Variants in TAFA1 observed in about 807,000 individuals in gnomAD.
The protein encoded by TAFA1 is TAFA chemokine like family member 1.
A neutral mutation model predicts 18.5 loss-of-function variants in TAFA1; 4 were observed. That is an observed-to-expected ratio of 0.22 (90% CI 0.11 to 0.49). TAFA1 has a LOEUF of 0.49. Among genes scored for constraint, TAFA1 ranks in the 20% least tolerant of loss-of-function variants. TAFA1 has a pLI of 0.98. For missense variants in TAFA1, 147 were observed against 169.0 expected (o/e 0.87, Z 0.72); for synonymous variants, 56 against 55.2 (o/e 1.01, Z -0.06).
intron 2 of TAFA1, among the ~76,000 whole-genome samples, chr3:68,378,209 A>C (rs1389403072): frequency 6.6e-6 from 1 of 152,212 alleles, no homozygotes; most frequent in Non-Finnish European, 1.5e-5. Context: ...TGCCTTGAAA[A>C]GCTGCAGGCA....
chr3:68,141,497 T>A (rs1052718993), intron 2 of TAFA1, among the ~76,000 whole-genome samples: 1 of 152,228 alleles, frequency 6.6e-6, no homozygotes, highest in Non-Finnish European at 1.5e-5. Flanking sequence ...TCTCTCCTTT[T>A]ATTGATAACT....
At chr3:68,421,536 C>T (rs59823273) in intron 3 of TAFA1, among the ~76,000 whole-genome samples, 22,668 of 151,998 alleles carry the variant, frequency 0.15, 2,140 homozygotes, top group East Asian at 0.33. Context: ...CGCAGCTGTA[C>T]CTATTACTGA....
In TAFA1 at chr3:68,428,365, A is replaced by G. The variant is rs558235274; in HGVS notation, c.259+10945A>G. On this transcript the variant is annotated intron_variant, in intron 3 of 4. Transcript: ENST00000478136. ...TCCAGCCATTTTATTAGCTGCCTTC[A>G]AGTGAAGACCATCCATTAACAGCAG... Among the ~76,000 whole-genome samples, 10 of 151,976 alleles carry G rather than the reference A, an allele frequency of 6.6e-5. No homozygotes were observed. In the South Asian group the frequency reaches 2.1e-3, roughly 32 times the overall value.
In TAFA1 at chr3:68,370,472, GTATATATATATATA is replaced by G. The variant is rs749877780; in HGVS notation, c.119-46777_119-46764del. Among the ~76,000 whole-genome samples, 91 of 33,018 alleles carry G rather than the reference GTATATATATATATA, an allele frequency of 2.8e-3. 1 individual carries two copies. The highest frequency in any genetic ancestry group is 0.011 in the African/African-American group (84 of 7,544). 21.7% of individuals were successfully genotyped at this position (33,018 alleles called of 152,430 possible). A position where few individuals can be genotyped will look rare whatever the true frequency, so the allele number is the denominator to read the frequency against. On this transcript the variant is annotated intron_variant, in intron 2 of 4. Transcript: ENST00000478136. ...TATATATATGTGTGTGTGTGTGTGT[GTATATATATATATA>G]TATATATATATATATATATATATAT...
intron 2 of TAFA1, among the ~76,000 whole-genome samples, chr3:68,110,738 A>C (rs1010221582): frequency 6.6e-6 from 1 of 152,186 alleles, no homozygotes; most frequent in African/African-American, 2.4e-5. Flanking sequence ...ATGTGAAAGA[A>C]AGAGATAAAC....
chr3:67,998,039 T>C, the TAFA1 span, among the ~76,000 whole-genome samples: 3 of 151,730 alleles, frequency 2.0e-5, no homozygotes, highest in East Asian at 1.9e-4. Flanking sequence ...AAAAAACATA[T>C]ATTAAACAAA....
chr3:68,229,361 A>C (rs2066842583), intron 2 of TAFA1, among the ~76,000 whole-genome samples: 1 of 152,204 alleles, frequency 6.6e-6, no homozygotes, highest in African/African-American at 2.4e-5. Flanking sequence ...AATTCTTGCT[A>C]AGATATCTTA....
At chr3:68,076,916 T>C (rs532786290) in intron 2 of TAFA1, among the ~76,000 whole-genome samples, 2 of 152,176 alleles carry the variant, frequency 1.3e-5, no homozygotes, top group Non-Finnish European at 2.9e-5. Flanking sequence ...TAGTTTACAA[T>C]CCCACCAACA....
intron 2 of TAFA1, among the ~76,000 whole-genome samples, chr3:68,400,215 T>G (rs532562492): frequency 2.0e-4 from 31 of 152,234 alleles, no homozygotes; most frequent in African/African-American, 6.7e-4. Flanking sequence ...GGAAACCAGG[T>G]GTGCTGTTAC....
At chr3:68,434,476 A>G (rs765618423) in intron 3 of TAFA1, among the ~76,000 whole-genome samples, 4 of 152,090 alleles carry the variant, frequency 2.6e-5, no homozygotes, top group Non-Finnish European at 5.9e-5. Context: ...TCTGTTTTAC[A>G]GTACATTGAA....
intron 3 of TAFA1, among the ~76,000 whole-genome samples, chr3:68,452,780 T>C (rs2071587957): frequency 1.3e-5 from 2 of 152,210 alleles, no homozygotes; most frequent in African/African-American, 4.8e-5. Context: ...AACATGCCCA[T>C]TTAACATATT....
At chr3:68,003,193 C>T (rs929140724), upstream of TAFA1, among the ~76,000 whole-genome samples, 1 of 152,090 alleles carries the variant, frequency 6.6e-6, no homozygotes, top group African/African-American at 2.4e-5. Context: ...TGTGAAAGAC[C>T]AATTGGCAAG....
intron 3 of TAFA1, among the ~76,000 whole-genome samples, chr3:68,510,870 C>T (rs1043496958): frequency 5.3e-5 from 8 of 151,764 alleles, no homozygotes; most frequent in African/African-American, 1.9e-4. Flanking sequence ...AACAGGAAGA[C>T]ATAGGCAAGT....
chr3:68,255,865 A>C (rs1335272442), intron 2 of TAFA1, among the ~76,000 whole-genome samples: 1 of 152,122 alleles, frequency 6.6e-6, no homozygotes, highest in Admixed American at 6.6e-5. Context: ...TCTGTAATAC[A>C]CTGATATTTC....
intron 2 of TAFA1, among the ~76,000 whole-genome samples, chr3:68,285,915 C>G (rs1369706087): frequency 6.6e-6 from 1 of 152,030 alleles, no homozygotes; most frequent in East Asian, 1.9e-4. Flanking sequence ...ACATTCAGCA[C>G]AAAAATAGTA....
At chr3:68,155,406 T>C (rs2065856296) in intron 2 of TAFA1, among the ~76,000 whole-genome samples, 1 of 152,198 alleles carries the variant, frequency 6.6e-6, no homozygotes, top group African/African-American at 2.4e-5. Context: ...TCTGTCTTGC[T>C]TACTTTTTCC....
At chr3:68,134,015 A>G (rs957229567) in intron 2 of TAFA1, among the ~76,000 whole-genome samples, 14 of 151,136 alleles carry the variant, frequency 9.3e-5, no homozygotes, top group Non-Finnish European at 1.9e-4. Context: ...GTTGGACTGG[A>G]CCTCAGAGTA....
chr3:68,221,899 T>C (rs556975632), intron 2 of TAFA1, among the ~76,000 whole-genome samples: 1 of 152,294 alleles, frequency 6.6e-6, no homozygotes, highest in East Asian at 1.9e-4. Flanking sequence ...ATTTGTGAAA[T>C]AGAATGAAAA....
At chr3:68,475,329 T>G (rs2072071095) in intron 3 of TAFA1, among the ~76,000 whole-genome samples, 1 of 148,210 alleles carries the variant, frequency 6.7e-6, no homozygotes, top group African/African-American at 2.5e-5. Context: ...CCCACAACAG[T>G]CCCCTGTGTG....
Sources: allele counts gnomAD v4.1 joint callset (sites outside exome capture counted in the v4.1 genomes callset), GRCh38; gene constraint gnomAD v4.1.1; transcripts MANE v1.5; gene names NCBI Gene and HGNC (gene_info 2026-07-23, HGNC 2026-07-21).